Variants in COL25A1 observed in about 807,000 individuals in gnomAD.
The protein encoded by COL25A1 is collagen alpha-1(XXV) chain.
COL25A1 carries 103 observed loss-of-function variants against 128.4 expected under a neutral mutation model. That is an observed-to-expected ratio of 0.80 (90% CI 0.68 to 0.94). The LOEUF (loss-of-function observed/expected upper bound fraction) is 0.94. COL25A1 is among the 40% of genes least tolerant of loss of function. The probability of loss-of-function intolerance (pLI) is 0.00; values close to 1 mark genes in which losing one functional copy is unlikely to be tolerated. For synonymous variants in COL25A1, 279 were observed against 277.2 expected, an observed-to-expected ratio of 1.01 and a Z score of -0.06; for missense variants, 745 against 840.0, an observed-to-expected ratio of 0.89 and a Z score of 1.40.
chr4:109,263,132 A>C (rs1781558872), intron 3 of COL25A1, among the ~76,000 whole-genome samples: 1 of 51,382 alleles, frequency 1.9e-5, no homozygotes, highest in East Asian at 7.4e-4. Flanking sequence ...CTGTCTCAAA[A>C]CAACAACAAC....
At chr4:109,107,942 G>C (rs957355921) in intron 3 of COL25A1, among the ~76,000 whole-genome samples, 2 of 152,182 alleles carry the variant, frequency 1.3e-5, no homozygotes, top group Non-Finnish European at 2.9e-5. Flanking sequence ...AATTCCATGT[G>C]ATCAACTCTT....
intron 3 of COL25A1, among the ~76,000 whole-genome samples, chr4:109,249,232 A>G (rs1180007936): frequency 6.6e-6 from 1 of 152,224 alleles, no homozygotes; most frequent in Non-Finnish European, 1.5e-5. Flanking sequence ...GTTATAGAAC[A>G]TGATGAACAT....
At chr4:109,245,133 C>T (rs1447736176) in intron 3 of COL25A1, among the ~76,000 whole-genome samples, 1 of 152,060 alleles carries the variant, frequency 6.6e-6, no homozygotes, top group Non-Finnish European at 1.5e-5. Flanking sequence ...GACCTAGATA[C>T]CTTGAGAGTA....
chr4:109,072,764 T>A (rs868444431), intron 3 of COL25A1, among the ~76,000 whole-genome samples: 52 of 152,364 alleles, frequency 3.4e-4, no homozygotes, highest in African/African-American at 1.1e-3. Flanking sequence ...CCAAGATGTC[T>A]TATTACTCAA....
intron 25 of COL25A1, 81 bp from the exon 26 acceptor site, chr4:108,852,361 C>T (rs1057455318): frequency 4.0e-6 from 4 of 998,394 alleles, no homozygotes; most frequent in Admixed American, 2.7e-5. Flanking sequence ...ACACTATACA[C>T]CTTCCTTATT....
intron 3 of COL25A1, among the ~76,000 whole-genome samples, chr4:109,256,937 C>A (rs570726633): frequency 1.3e-5 from 2 of 152,318 alleles, no homozygotes; most frequent in East Asian, 3.9e-4. Context: ...CTAACAAGAA[C>A]TTAACTAATT....
intron 19 of COL25A1, among the ~76,000 whole-genome samples, chr4:108,876,178 T>G: frequency 6.7e-6 from 1 of 149,740 alleles, no homozygotes. Context: ...ACCTGCAGGG[T>G]ATGCACATGT....
intron 13 of COL25A1, among the ~76,000 whole-genome samples, chr4:108,915,000 C>A (rs1744701303): frequency 6.6e-6 from 1 of 152,176 alleles, no homozygotes; most frequent in South Asian, 2.1e-4. Context: ...ACATAGCATT[C>A]TCTCTCAGAT....
Position 108,954,422 on chromosome 4 carries a change from G to A in COL25A1, c.493-12985C>T, listed in dbSNP as rs146967365. 9.2e-4 allele frequency among the ~76,000 whole-genome samples: 139 copies of A among 151,690 alleles called. 2 individuals carry two copies. The East Asian group carries it at 0.026, about 28-fold the overall frequency. On this transcript the variant is annotated intron_variant, in intron 8 of 37. Transcript: ENST00000399132. Reference sequence around the variant, plus strand: ...TAATTCTTAAAAGTGATATTTATTCGCACATATAATTTACTCGAAATAACT... The same window carrying A: ...TAATTCTTAAAAGTGATATTTATTCACACATATAATTTACTCGAAATAACT...
chr4:109,289,623 C>T (rs1724263539), intron 3 of COL25A1, among the ~76,000 whole-genome samples: 1 of 152,102 alleles, frequency 6.6e-6, no homozygotes, highest in Non-Finnish European at 1.5e-5. Flanking sequence ...AAATCAGAAG[C>T]TGACAGTAAT....
intron 3 of COL25A1, among the ~76,000 whole-genome samples, chr4:109,181,083 G>A (rs968010976): frequency 1.1e-4 from 17 of 152,180 alleles, no homozygotes; most frequent in Admixed American, 9.2e-4. Flanking sequence ...CTGAGCTTCA[G>A]TGTCATTAAA....
At chr4:109,061,262 T>C (rs1335470918) in intron 3 of COL25A1, among the ~76,000 whole-genome samples, 1 of 152,214 alleles carries the variant, frequency 6.6e-6, no homozygotes, top group Admixed American at 6.5e-5. Context: ...CTCATTTTTC[T>C]CCTCTAGTAT....
chr4:108,889,163 G>C (rs1207852299), intron 18 of COL25A1, 58 bp downstream of exon 18: 3 of 1,370,706 alleles, frequency 2.2e-6, no homozygotes. Flanking sequence ...ACAGTGGATG[G>C]TAGATATAAA....
chr4:109,021,517 G>C (rs192408848), intron 5 of COL25A1, among the ~76,000 whole-genome samples: 1 of 152,094 alleles, frequency 6.6e-6, no homozygotes, highest in African/African-American at 2.4e-5. Flanking sequence ...TGCATTAACC[G>C]TACAAATTGA....
intron 5 of COL25A1, among the ~76,000 whole-genome samples, chr4:109,016,615 C>T (rs912140470): frequency 2.0e-5 from 3 of 152,136 alleles, no homozygotes; most frequent in African/African-American, 7.3e-5. Context: ...CAGACTCACA[C>T]AGACATGGGG....
At chr4:109,260,797 T>C (rs1427848928) in intron 3 of COL25A1, among the ~76,000 whole-genome samples, 2 of 151,918 alleles carry the variant, frequency 1.3e-5, no homozygotes, top group Non-Finnish European at 2.9e-5. Context: ...CACCTGGCCA[T>C]ATACTGGTTT....
intron 3 of COL25A1, among the ~76,000 whole-genome samples, chr4:109,224,865 G>A (rs149288377): frequency 0.086 from 13,135 of 152,142 alleles, 1,166 homozygotes; most frequent in African/African-American, 0.23. Context: ...GCTTGAACCC[G>A]GGAGGCGGAG....
At chr4:109,076,326 C>T (rs898830647) in intron 3 of COL25A1, among the ~76,000 whole-genome samples, 3 of 152,176 alleles carry the variant, frequency 2.0e-5, no homozygotes, top group African/African-American at 7.2e-5. Flanking sequence ...AAAATTAACT[C>T]TCTCTTTAAG....
intron 5 of COL25A1, among the ~76,000 whole-genome samples, chr4:109,018,865 G>A (rs888433618): frequency 6.6e-6 from 1 of 152,182 alleles, no homozygotes; most frequent in African/African-American, 2.4e-5. Flanking sequence ...ATTCCAGAAA[G>A]TATTCTCTTG....
Sources: gnomAD v4.1 joint callset for allele counts (sites outside exome capture counted in the v4.1 genomes callset) on GRCh38, gnomAD v4.1.1 for gene constraint, MANE v1.5 for transcripts, NCBI Gene and HGNC (gene_info 2026-07-23, HGNC 2026-07-21) for gene names.